The following CSMD2 variants were observed in gnomAD, a reference collection of about 807,000 sequenced individuals.
CSMD2 encodes CUB and Sushi multiple domains 2, also known as CUB and sushi domain-containing protein 2.
In CSMD2, 130 loss-of-function variants were observed where a neutral mutation model predicts 398.5. The observed-to-expected ratio is 0.33, with a 90% CI of 0.28 to 0.38. The LOEUF (loss-of-function observed/expected upper bound fraction) is 0.38, where lower values mean the gene tolerates loss of function less well. CSMD2 is among the 10% of genes least tolerant of loss of function. The probability of loss-of-function intolerance (pLI) is 1.00; values close to 1 mark genes in which losing one functional copy is unlikely to be tolerated. For missense variants in CSMD2, 3,829 were observed against 4,764.9 expected (o/e 0.80, Z 5.78); for synonymous variants, 1,828 against 1,908.5 (o/e 0.96, Z 1.10).
At chr1:33,642,534 T>A (rs540239607) in intron 29 of CSMD2, among the ~76,000 whole-genome samples, 82 of 151,978 alleles carry the variant, frequency 5.4e-4, no homozygotes, top group African/African-American at 2.0e-3. Flanking sequence ...GATTCTGGAG[T>A]GCGGATGATG....
intron 65 of CSMD2, among the ~76,000 whole-genome samples, chr1:33,526,411 C>G (rs1472974683): frequency 6.6e-6 from 1 of 152,232 alleles, no homozygotes; most frequent in African/African-American, 2.4e-5. Context: ...TATTCCTATA[C>G]ATGGTGGCCA....
chr1:33,739,304 C>T lies in CSMD2; in HGVS notation c.2204G>A (p.Gly735Asp). Residue 735 changes from glycine to aspartate, a missense_variant, in exon 15 of 71, where the codon GGC becomes GAC. Transcript: ENST00000373381. ...TFRHNECPDP[G>D]VPVNGKRFGD... ...AAACCGTTTGCCATTTACTGGAACG[C>T]CAGGATCCGGGCACTCGTTGTGTCG... is the stretch of plus-strand genomic sequence containing the variant. The T allele has an allele frequency of 4.3e-6, 7 of 1,613,890 alleles. No individual in the cohort carries two copies. The highest frequency in any genetic ancestry group is 5.9e-6 in the Non-Finnish European group (7 of 1,179,860).
At chr1:33,826,312 C>CT (rs112285493) in intron 6 of CSMD2, among the ~76,000 whole-genome samples, 6,066 of 152,232 alleles carry the variant, frequency 0.04, 447 homozygotes, top group African/African-American at 0.14. Context: ...CATTCCCCCA[C>CT]TCCTTGACTT....
intron 5 of CSMD2, among the ~76,000 whole-genome samples, chr1:33,916,661 G>A (rs565871293): frequency 1.3e-4 from 20 of 152,168 alleles, no homozygotes; most frequent in South Asian, 4.1e-4. Flanking sequence ...CTCCCATGTC[G>A]GCTCACCTTC....
chr1:33,574,161 A>G (rs1659855242), intron 49 of CSMD2, among the ~76,000 whole-genome samples: 2 of 152,204 alleles, frequency 1.3e-5, no homozygotes, highest in South Asian at 4.1e-4. Context: ...TTACTTAAGG[A>G]TATACCCCAT....
chr1:33,701,306 G>A (rs913570142), intron 22 of CSMD2, among the ~76,000 whole-genome samples: 1 of 152,324 alleles, frequency 6.6e-6, no homozygotes, highest in African/African-American at 2.4e-5. Flanking sequence ...TGCCAAGGGT[G>A]GAATCGTACA....
Position 33,658,154 on chromosome 1 carries a change from G to C in CSMD2, c.4256-17C>G. ...CTGTGGACACTGGGGCAAGGAAATA[G>C]AAGAGAGGGTAAGGTCGCCTGGGTG... On this transcript the variant is annotated splice_polypyrimidine_tract_variant and intron_variant, in intron 26 of 70. Coordinates refer to ENST00000373381, the MANE Select transcript of CSMD2 (RefSeq NM_001281956.2). The C allele has an allele frequency of 6.2e-7, 1 of 1,607,222 alleles. No individual in the cohort carries two copies.
intron 1 of CSMD2, among the ~76,000 whole-genome samples, chr1:34,092,525 C>T (rs942973353): frequency 5.3e-5 from 8 of 152,158 alleles, no homozygotes; most frequent in Non-Finnish European, 7.4e-5. Flanking sequence ...GAGAGCCAGA[C>T]AGTGGGCGCA....
chr1:33,541,731 C>T (rs2148597420), intron 58 of CSMD2, among the ~76,000 whole-genome samples: 1 of 152,346 alleles, frequency 6.6e-6, no homozygotes, highest in East Asian at 1.9e-4. Flanking sequence ...TGAAGATTCA[C>T]CTTATTCAAA....
chr1:34,145,568 A>G (rs1165778090), intron 1 of CSMD2, among the ~76,000 whole-genome samples: 1 of 152,236 alleles, frequency 6.6e-6, no homozygotes, highest in East Asian at 1.9e-4. Context: ...AAACACAGAA[A>G]TAGAAATGGG....
intron 1 of CSMD2, among the ~76,000 whole-genome samples, chr1:34,095,647 C>G (rs1208596634): frequency 6.6e-6 from 1 of 151,776 alleles, no homozygotes; most frequent in Non-Finnish European, 1.5e-5. Flanking sequence ...CGCAAATAAA[C>G]TAGAAAATCT....
chr1:33,604,185 A>T (rs568245790), intron 42 of CSMD2, among the ~76,000 whole-genome samples: 144 of 152,236 alleles, frequency 9.5e-4, no homozygotes, highest in Non-Finnish European at 1.3e-3. Flanking sequence ...CCACAAAAAG[A>T]CAAACAAGGT....
At chr1:33,679,919 C>CTT (rs11415719) in intron 25 of CSMD2, among the ~76,000 whole-genome samples, 151 of 144,046 alleles carry the variant, frequency 1.0e-3, no homozygotes, top group Middle Eastern at 3.7e-3. Context: ...TTGAATTTTA[C>CTT]TTTTTTTTTT....
intron 13 of CSMD2, among the ~76,000 whole-genome samples, chr1:33,764,198 G>A (rs1215759869): frequency 1.3e-5 from 2 of 152,106 alleles, no homozygotes; most frequent in Non-Finnish European, 2.9e-5. Flanking sequence ...ATTCTGAGAG[G>A]CAACACCAGC....
At chr1:33,890,084 A>G (rs923036216) in intron 5 of CSMD2, among the ~76,000 whole-genome samples, 3 of 152,068 alleles carry the variant, frequency 2.0e-5, no homozygotes, top group Non-Finnish European at 4.4e-5. Context: ...GTTCATGCAT[A>G]GAGTTTCTTT....
intron 5 of CSMD2, among the ~76,000 whole-genome samples, chr1:33,867,020 C>T (rs2125133346): frequency 6.6e-6 from 1 of 152,350 alleles, no homozygotes; most frequent in South Asian, 2.1e-4. Context: ...TTGGTGTTCA[C>T]ACCCTTGTAT....
intron 5 of CSMD2, among the ~76,000 whole-genome samples, chr1:33,857,753 AC>A (rs1639203657): frequency 6.6e-6 from 1 of 152,178 alleles, no homozygotes; most frequent in Non-Finnish European, 1.5e-5. Context: ...GAACCCCATG[AC>A]TAGTTTGGGG....
chr1:33,779,635 A>G (rs561146842), intron 12 of CSMD2, among the ~76,000 whole-genome samples: 7 of 152,170 alleles, frequency 4.6e-5, no homozygotes, highest in Non-Finnish European at 7.3e-5. Context: ...ACAAAGAATC[A>G]TCTTTCAGTG....
intron 13 of CSMD2, among the ~76,000 whole-genome samples, chr1:33,758,784 C>T (rs545941910): frequency 9.9e-5 from 15 of 152,280 alleles, no homozygotes; most frequent in African/African-American, 2.2e-4. Flanking sequence ...GTGGACATGA[C>T]GTAGGCATTT....
Sources: gnomAD v4.1 joint callset for allele counts (sites outside exome capture counted in the v4.1 genomes callset) on GRCh38, gnomAD v4.1.1 for gene constraint, MANE v1.5 for transcripts, NCBI Gene and HGNC (gene_info 2026-07-23, HGNC 2026-07-21) for gene names.